The following INTS4 variants were observed in gnomAD, a reference collection of about 807,000 sequenced individuals.
INTS4 encodes MSTP093.
INTS4 carries 70 observed loss-of-function variants against 119.5 expected under a neutral mutation model. The ratio of observed to expected loss-of-function variants is 0.59; its 90% CI spans 0.48 to 0.71. The LOEUF (loss-of-function observed/expected upper bound fraction) is 0.71. INTS4 is among the 30% of genes least tolerant of loss of function. INTS4 has a pLI of 0.00. For missense variants in INTS4, 867 were observed against 1,173.2 expected, an observed-to-expected ratio of 0.74 and a Z score of 3.81; for synonymous variants, 316 against 419.6, an observed-to-expected ratio of 0.75 and a Z score of 3.02.
intron 4 of INTS4, among the ~76,000 whole-genome samples, chr11:77,966,152 G>A (rs1855495369): frequency 6.6e-6 from 1 of 152,098 alleles, no homozygotes; most frequent in East Asian, 1.9e-4. Context: ...GCCAGGTTTT[G>A]TTGTTGTTGT....
At chr11:77,933,193 C>T (rs1953697993) in intron 10 of INTS4, among the ~76,000 whole-genome samples, 2 of 151,872 alleles carry the variant, frequency 1.3e-5, no homozygotes, top group Admixed American at 1.3e-4. Context: ...TCTCCCTGTC[C>T]CTCTCCGTCC....
intron 4 of INTS4, among the ~76,000 whole-genome samples, chr11:77,970,964 T>C (rs560173349): frequency 8.6e-5 from 13 of 151,946 alleles, no homozygotes; most frequent in Admixed American, 7.9e-4. Flanking sequence ...CCCACCACCA[T>C]GCCTGGCTAG....
intron 22 of INTS4, among the ~76,000 whole-genome samples, chr11:77,881,681 A>G (rs1487189589): frequency 6.6e-6 from 1 of 152,242 alleles, no homozygotes; most frequent in Non-Finnish European, 1.5e-5. Context: ...ACTACATGTC[A>G]GGCACTAGAG....
chr11:77,886,024 G>A (rs1951991552), intron 21 of INTS4, among the ~76,000 whole-genome samples: 1 of 151,700 alleles, frequency 6.6e-6, no homozygotes, highest in African/African-American at 2.4e-5. Flanking sequence ...AAAAAAGTAA[G>A]ACCCCCCAAT....
intron 8 of INTS4, among the ~76,000 whole-genome samples, chr11:77,947,091 C>T (rs669869): frequency 0.74 from 110,047 of 147,806 alleles, 41,496 homozygotes; most frequent in African/African-American, 0.86. Context: ...ACAGGTCTTT[C>T]GAAATAACCC....
At chr11:77,892,227 GA>G (rs1034808067) in intron 19 of INTS4, among the ~76,000 whole-genome samples, 21 of 152,130 alleles carry the variant, frequency 1.4e-4, no homozygotes, top group Non-Finnish European at 2.6e-4. Flanking sequence ...GAACGGAAGA[GA>G]AAAAAACGAT....
intron 7 of INTS4, among the ~76,000 whole-genome samples, chr11:77,957,654 AC>A (rs2136573784): frequency 6.8e-6 from 1 of 148,140 alleles, no homozygotes; most frequent in African/African-American, 2.5e-5. Context: ...ATCTTCTGTA[AC>A]TGAACTTCTT....
intron 18 of INTS4, 77 bp from the exon 19 acceptor site, chr11:77,894,426 G>A (rs1431201802): frequency 1.6e-5 from 12 of 749,142 alleles, no homozygotes; most frequent in East Asian, 1.1e-4. Flanking sequence ...AGAAACCTGA[G>A]CCTAAATTAA....
chr11:77,934,204 A>T (rs1953735507), intron 10 of INTS4, among the ~76,000 whole-genome samples: 2 of 151,978 alleles, frequency 1.3e-5, no homozygotes. Flanking sequence ...ATGCTCTTTA[A>T]GAGTCATCAC....
chr11:77,957,746 A>C (rs1257122572), intron 7 of INTS4, among the ~76,000 whole-genome samples: 1 of 136,868 alleles, frequency 7.3e-6, no homozygotes, highest in Non-Finnish European at 1.5e-5. Context: ...TCAGCTCACC[A>C]CAATCTCCAC....
At position 77,878,944 on chromosome 11, in the gene INTS4, T is replaced by C; in HGVS notation, c.*5A>G. ...TAGGCCACGGTTGGGAAGACTGTTT[T>C]TGCCTTAGCGCCGTGCAGGTTTGGG... is the stretch of plus-strand genomic sequence containing the variant. On this transcript the variant is annotated 3_prime_UTR_variant, in exon 23 of 23. Transcript: ENST00000534064. 1.2e-6 allele frequency: 2 copies of C among 1,613,086 alleles called. No homozygotes were observed. The highest frequency in any genetic ancestry group is 2.2e-5 in the South Asian group (2 of 91,050).
intron 11 of INTS4, among the ~76,000 whole-genome samples, chr11:77,926,823 AAAAGGAAAGGAAAGG>A (rs1304077983): frequency 6.6e-6 from 1 of 150,558 alleles, no homozygotes; most frequent in Non-Finnish European, 1.5e-5. Flanking sequence ...AAAAAAAAAA[AAAAGGAAAGGAAAGG>A]AAAGGAAAAA....
intron 3 of INTS4, 81 bp from the exon 4 acceptor site, chr11:77,979,183 T>C (rs747616378): frequency 2.3e-5 from 18 of 775,184 alleles, no homozygotes; most frequent in Admixed American, 5.7e-5. Flanking sequence ...GTAAAGAATG[T>C]AGATTGGCTA....
At chr11:77,933,599 C>A (rs1953714238) in intron 10 of INTS4, among the ~76,000 whole-genome samples, 1 of 152,182 alleles carries the variant, frequency 6.6e-6, no homozygotes, top group Admixed American at 6.5e-5. Context: ...AGCCGCCTGC[C>A]CTGGCCTCCC....
intron 18 of INTS4, among the ~76,000 whole-genome samples, chr11:77,898,129 T>C (rs1475897486): frequency 2.6e-5 from 4 of 152,176 alleles, no homozygotes; most frequent in Non-Finnish European, 1.5e-5. Context: ...ATTGTTATTA[T>C]TATTTTTTGC....
intron 15 of INTS4, among the ~76,000 whole-genome samples, chr11:77,908,446 A>T (rs1372422350): frequency 6.6e-6 from 1 of 150,554 alleles, no homozygotes; most frequent in African/African-American, 2.5e-5. Context: ...CTCCTGCCTT[A>T]GCCTCCTGAC....
intron 13 of INTS4, among the ~76,000 whole-genome samples, chr11:77,921,692 A>G (rs1953364379): frequency 6.6e-6 from 1 of 152,244 alleles, no homozygotes; most frequent in Admixed American, 6.5e-5. Flanking sequence ...AATACAAAAA[A>G]TGGAAATGAT....
At chr11:77,938,577 G>T in intron 10 of INTS4, 74 bp downstream of exon 10, 1 of 1,547,228 alleles carries the variant, frequency 6.5e-7, no homozygotes, top group Non-Finnish European at 8.7e-7. Context: ...CGATACATGT[G>T]TATCACCCAG....
chr11:77,902,782 C>CA (rs1487147080), intron 17 of INTS4, among the ~76,000 whole-genome samples: 1 of 152,136 alleles, frequency 6.6e-6, no homozygotes. Flanking sequence ...TACTCAGGTG[C>CA]AAAGGGGAAT....
Sources: allele counts gnomAD v4.1 joint callset (sites outside exome capture counted in the v4.1 genomes callset), GRCh38; gene constraint gnomAD v4.1.1; transcripts MANE v1.5; gene names NCBI Gene and HGNC (gene_info 2026-07-23, HGNC 2026-07-21).